The following CA8 variants were observed in gnomAD, a reference collection of about 807,000 sequenced individuals.
The protein encoded by CA8 is carbonic anhydrase-related protein.
CA8 carries 22 observed loss-of-function variants against 41.4 expected under a neutral mutation model. The observed-to-expected ratio is 0.53, with a 90% CI of 0.38 to 0.76. CA8 has a LOEUF of 0.76. Ranked by LOEUF, CA8 falls within the 30% of genes least tolerant of loss-of-function variation. The probability of loss-of-function intolerance (pLI) is 0.00; values close to 1 mark genes in which losing one functional copy is unlikely to be tolerated. For missense variants in CA8, 270 were observed against 352.8 expected, an observed-to-expected ratio of 0.77 and a Z score of 1.88; for synonymous variants, 121 against 130.6, an observed-to-expected ratio of 0.93 and a Z score of 0.50.
At chr8:60,252,150 T>C (rs1387137191) in intron 3 of CA8, among the ~76,000 whole-genome samples, 1 of 152,126 alleles carries the variant, frequency 6.6e-6, no homozygotes, top group Admixed American at 6.6e-5. Flanking sequence ...CCAGGTGCAC[T>C]GATGGGATAT....
At chr8:60,257,895 C>T (rs1803600532) in intron 3 of CA8, among the ~76,000 whole-genome samples, 1 of 152,240 alleles carries the variant, frequency 6.6e-6, no homozygotes. Context: ...GCATACTGCA[C>T]AGGCAGGTTA....
At chr8:60,207,226 G>A (rs1300538029) in intron 8 of CA8, among the ~76,000 whole-genome samples, 3 of 152,202 alleles carry the variant, frequency 2.0e-5, no homozygotes, top group Non-Finnish European at 2.9e-5. Flanking sequence ...ACTTTGGCCC[G>A]TAACCTAACT....
intron 2 of CA8, among the ~76,000 whole-genome samples, chr8:60,272,827 A>G (rs1381835413): frequency 6.6e-6 from 1 of 152,238 alleles, no homozygotes; most frequent in Non-Finnish European, 1.5e-5. Context: ...GATGAAACAA[A>G]GATTGCCAAC....
At chr8:60,223,562 T>C (rs769919773) in intron 6 of CA8, among the ~76,000 whole-genome samples, 14 of 152,220 alleles carry the variant, frequency 9.2e-5, no homozygotes, top group African/African-American at 3.1e-4. Context: ...TGGGATTACA[T>C]AGGTATGATC....
rs945458885 is a variant in CA8, at chr8:60,188,303, G to C, written c.*1718C>G. 1 of 152,178 alleles carries C rather than the reference G, an allele frequency of 6.6e-6. No individual in the cohort carries two copies. 9.4% of individuals were successfully genotyped at this position (152,178 alleles called of 1,614,324 possible). On this transcript the variant is annotated 3_prime_UTR_variant, in exon 9 of 9. Coordinates refer to ENST00000317995, the MANE Select transcript of CA8 (RefSeq NM_004056.6). Reference sequence around the variant, plus strand: ...TTTCAGGGAAAGATGAAAGAAGATTGCAAGAAGCATCAGAAGTCTAGTTCA... The same window carrying C: ...TTTCAGGGAAAGATGAAAGAAGATTCCAAGAAGCATCAGAAGTCTAGTTCA...
intron 7 of CA8, among the ~76,000 whole-genome samples, chr8:60,220,756 C>A (rs1483000461): frequency 6.6e-6 from 1 of 152,070 alleles, no homozygotes; most frequent in Non-Finnish European, 1.5e-5. Context: ...GGGAATGAAG[C>A]TAGAATGCAC....
At position 60,186,716 on chromosome 8, in the gene CA8, G is replaced by A. The variant is rs563868842; in HGVS notation, c.*3305C>T. On this transcript the variant is annotated 3_prime_UTR_variant, in exon 9 of 9. Coordinates refer to ENST00000317995, the MANE Select transcript of CA8 (RefSeq NM_004056.6). The stretch of plus-strand genomic sequence containing the variant: ...AGTTGAAAGTGAAAAGATGAAAAAA[G>A]ATACATCATACAAATAGCAACTATA... Among the ~76,000 whole-genome samples, 1 of 151,572 alleles carries A rather than the reference G, an allele frequency of 6.6e-6. No homozygotes were observed. Among genetic ancestry groups the A allele is most frequent in the Non-Finnish European group, 1.5e-5 (1 of 67,790 alleles).
intron 3 of CA8, among the ~76,000 whole-genome samples, chr8:60,253,105 C>T (rs902585692): frequency 3.9e-5 from 6 of 151,978 alleles, no homozygotes; most frequent in South Asian, 2.1e-4. Context: ...CATAGTGGCA[C>T]GCACTTATAG....
intron 8 of CA8, among the ~76,000 whole-genome samples, chr8:60,192,943 A>G (rs868206671): frequency 0.018 from 2,576 of 140,450 alleles, 32 homozygotes; most frequent in African/African-American, 0.04. Flanking sequence ...TCATGCACAC[A>G]CACACACACA....
rs780504279 is a variant in CA8, at chr8:60,208,746, A to G, written c.*35+4T>C. 1 of 1,613,576 alleles carries G rather than the reference A, an allele frequency of 6.2e-7. No individual in the cohort carries two copies. Among genetic ancestry groups the G allele is most frequent in the Non-Finnish European group, 8.5e-7 (1 of 1,179,508 alleles). The stretch of plus-strand genomic sequence containing the variant: ...CTCATTTTCCTTACTTAATCTGGAC[A>G]TACCCTCATGAAGACAGACTTGTTC... On this transcript the variant is annotated splice_donor_region_variant and intron_variant, in intron 8 of 8. Coordinates refer to ENST00000317995, the MANE Select transcript of CA8 (RefSeq NM_004056.6).
At chr8:60,200,479 A>G (rs746196990) in intron 8 of CA8, among the ~76,000 whole-genome samples, 5 of 152,166 alleles carry the variant, frequency 3.3e-5, no homozygotes, top group Admixed American at 1.3e-4. Flanking sequence ...GCAATTTGCC[A>G]TACATAAGCA....
At chr8:60,249,975 T>C (rs1022810264) in intron 3 of CA8, among the ~76,000 whole-genome samples, 1 of 152,194 alleles carries the variant, frequency 6.6e-6, no homozygotes. Flanking sequence ...AGTGGGAGCA[T>C]ATAATAGCCA....
chr8:60,241,698 C>T (rs1021394210), intron 3 of CA8, among the ~76,000 whole-genome samples: 2 of 151,810 alleles, frequency 1.3e-5, no homozygotes, highest in African/African-American at 4.8e-5. Flanking sequence ...AAAACTCATT[C>T]TTCAACACTG....
chr8:60,247,189 G>A (rs1203691707), intron 3 of CA8, among the ~76,000 whole-genome samples: 3 of 152,024 alleles, frequency 2.0e-5, no homozygotes, highest in Admixed American at 6.6e-5. Flanking sequence ...AGCCAATAAC[G>A]GCTTTTACAG....
At chr8:60,271,690 G>A (rs11994317) in intron 2 of CA8, among the ~76,000 whole-genome samples, 1 of 152,012 alleles carries the variant, frequency 6.6e-6, no homozygotes, top group African/African-American at 2.4e-5. Context: ...AATGATGGTT[G>A]ATTAAAAATG....
At position 60,208,979 on chromosome 8, in the gene CA8, G is replaced by A. The variant is rs991989849; in HGVS notation, c.739-60C>T. 6.5e-6 allele frequency: 10 copies of A among 1,543,250 alleles called. No homozygotes were observed. The African/African-American group carries it at 1.2e-4, about 19-fold the overall frequency. On this transcript the variant is annotated intron_variant, in intron 7 of 8. Coordinates refer to ENST00000317995, the MANE Select transcript of CA8 (RefSeq NM_004056.6). ...ATTATCGGACATTAACAAGATTGGAGTTTCATAAATGACATGCATAAAATA... is the reference window on the plus strand; with the variant it reads ...ATTATCGGACATTAACAAGATTGGAATTTCATAAATGACATGCATAAAATA...
At chr8:60,235,137 G>T in intron 3 of CA8, among the ~76,000 whole-genome samples, 1 of 152,250 alleles carries the variant, frequency 6.6e-6, no homozygotes, top group African/African-American at 2.4e-5. Flanking sequence ...GCACTGACTG[G>T]GTGGCTTAAA....
chr8:60,256,753 T>C (rs1043685947), intron 3 of CA8, among the ~76,000 whole-genome samples: 3 of 152,186 alleles, frequency 2.0e-5, no homozygotes, highest in African/African-American at 7.2e-5. Flanking sequence ...AATACAGTGA[T>C]AAAACAAATT....
chr8:60,227,350 ATAAT>A (rs1440911267), intron 4 of CA8, among the ~76,000 whole-genome samples: 1 of 152,196 alleles, frequency 6.6e-6, no homozygotes, highest in Non-Finnish European at 1.5e-5. Context: ...TTTTTGAGGA[ATAAT>A]TAAATGGCCT....
Sources: gnomAD v4.1 joint callset for allele counts (sites outside exome capture counted in the v4.1 genomes callset) on GRCh38, gnomAD v4.1.1 for gene constraint, MANE v1.5 for transcripts, NCBI Gene and HGNC (gene_info 2026-07-23, HGNC 2026-07-21) for gene names.